Variants in CCSER1 observed in about 807,000 individuals in gnomAD.
CCSER1 encodes coiled-coil serine rich protein 1.
Under a neutral mutation model 82.0 loss-of-function variants are expected in CCSER1, and 41 were observed. The observed-to-expected ratio is 0.50, with a 90% CI of 0.39 to 0.65. CCSER1 has a LOEUF of 0.65. Ranked by LOEUF, CCSER1 falls within the 30% of genes least tolerant of loss-of-function variation. CCSER1 has a pLI of 0.00. For synonymous variants in CCSER1, 414 were observed against 383.9 expected, an observed-to-expected ratio of 1.08 and a Z score of -0.92; for missense variants, 1,119 against 1,064.2, an observed-to-expected ratio of 1.05 and a Z score of -0.72.
In CCSER1 at chr4:90,932,957, A is replaced by AG. The variant is rs1561384528; in HGVS notation, c.2172+9511dup. ...AAGAAAGAAAGAAAGAAAGAAAGAAAGAAAGAAAGAAAGAAAGAAAGAAAG... is the reference window on the plus strand; with the variant it reads ...AAGAAAGAAAGAAAGAAAGAAAGAAAGGAAAGAAAGAAAGAAAGAAAGAAAG... On this transcript the variant is annotated intron_variant, in intron 9 of 10. Transcript: ENST00000509176. Among the ~76,000 whole-genome samples, 81 of 40,828 alleles carry AG rather than the reference A, an allele frequency of 2.0e-3. 25 individuals are homozygous for AG. The highest frequency in any genetic ancestry group is 0.018 in the African/African-American group (80 of 4,558). 26.8% of individuals were successfully genotyped at this position (40,828 alleles called of 152,430 possible).
At chr4:91,401,351 T>C (rs1752308911) in intron 10 of CCSER1, among the ~76,000 whole-genome samples, 1 of 148,296 alleles carries the variant, frequency 6.7e-6, no homozygotes, top group East Asian at 1.9e-4. Context: ...ATATACTACA[T>C]TGATATACTA....
In CCSER1 at chr4:90,912,333, A is replaced by G. The variant is rs548428500; in HGVS notation, c.2095-11037A>G. On this transcript the variant is annotated intron_variant, in intron 8 of 10. Transcript: ENST00000509176. ...AGGCAGCAACATTTGCTGTTCACCAATATTCGCTATTCTGCAGCCTCCACT... is the reference window on the plus strand; with the variant it reads ...AGGCAGCAACATTTGCTGTTCACCAGTATTCGCTATTCTGCAGCCTCCACT... Among the ~76,000 whole-genome samples the G allele has an allele frequency of 3.3e-4, 50 of 152,308 alleles. No individual in the cohort carries two copies. In the South Asian group the frequency reaches 9.9e-3, roughly 30 times the overall value.
At chr4:90,525,465 G>T (rs1206601161) in intron 5 of CCSER1, among the ~76,000 whole-genome samples, 5 of 151,758 alleles carry the variant, frequency 3.3e-5, no homozygotes, top group Admixed American at 6.6e-5. Context: ...AATGCTTCAG[G>T]CTCATTATAA....
At chr4:90,157,350 T>C (rs1422999493) in intron 1 of CCSER1, among the ~76,000 whole-genome samples, 3 of 152,192 alleles carry the variant, frequency 2.0e-5, no homozygotes, top group Admixed American at 6.5e-5. Flanking sequence ...CAATTATGTG[T>C]CTTGGAGTTG....
intron 10 of CCSER1, among the ~76,000 whole-genome samples, chr4:91,575,772 T>G (rs1763422524): frequency 6.6e-6 from 1 of 151,826 alleles, no homozygotes; most frequent in African/African-American, 2.4e-5. Flanking sequence ...TCACTAATAA[T>G]CAGGGAATTG....
intron 8 of CCSER1, among the ~76,000 whole-genome samples, chr4:90,862,984 A>C (rs1765283313): frequency 6.7e-6 from 1 of 148,356 alleles, no homozygotes; most frequent in South Asian, 2.1e-4. Context: ...ACATGTGCAC[A>C]ATGTGCAGGT....
intron 9 of CCSER1, among the ~76,000 whole-genome samples, chr4:90,928,903 A>G (rs1392403158): frequency 6.6e-6 from 1 of 152,130 alleles, no homozygotes; most frequent in Non-Finnish European, 1.5e-5. Context: ...CAGTACATCA[A>G]GAGACTCACA....
rs138405038 is a variant in CCSER1, at chr4:90,774,453, A to G, written c.2011-41309A>G. Among the ~76,000 whole-genome samples the G allele has an allele frequency of 4.3e-3, 653 of 152,234 alleles. 3 individuals carry two copies. Among genetic ancestry groups the G allele is most frequent in the African/African-American group, 0.015 (604 of 41,556 alleles). ...AGTTAGTTACTAACATTTTCATGATAATATAATGAGTCATAGAAAATTTGC... is the reference window on the plus strand; with the variant it reads ...AGTTAGTTACTAACATTTTCATGATGATATAATGAGTCATAGAAAATTTGC... On this transcript the variant is annotated intron_variant, in intron 7 of 10. Coordinates refer to ENST00000509176, the MANE Select transcript of CCSER1 (RefSeq NM_001145065.2).
chr4:91,408,109 C>A (rs1387274994), intron 10 of CCSER1, among the ~76,000 whole-genome samples: 5 of 151,770 alleles, frequency 3.3e-5, no homozygotes, highest in African/African-American at 1.2e-4. Context: ...GTCTAGAGTA[C>A]AACAGCCTCA....
At chr4:90,292,670 T>C (rs747600292) in intron 1 of CCSER1, among the ~76,000 whole-genome samples, 2 of 151,926 alleles carry the variant, frequency 1.3e-5, no homozygotes. Context: ...TAACAGCACT[T>C]ACTTAAAAAA....
chr4:91,064,593 A>G (rs1360521944), intron 9 of CCSER1, among the ~76,000 whole-genome samples: 1 of 152,226 alleles, frequency 6.6e-6, no homozygotes, highest in Admixed American at 6.5e-5. Flanking sequence ...CTCTCTGCCT[A>G]TGTGATCAGC....
At chr4:91,002,008 A>G (rs995051110) in intron 9 of CCSER1, among the ~76,000 whole-genome samples, 2 of 152,060 alleles carry the variant, frequency 1.3e-5, no homozygotes, top group African/African-American at 4.8e-5. Context: ...TTTTTCATTT[A>G]TGAAGCTTAG....
chr4:90,821,911 G>A (rs1759774172), intron 8 of CCSER1, among the ~76,000 whole-genome samples: 1 of 152,106 alleles, frequency 6.6e-6, no homozygotes, highest in Admixed American at 6.5e-5. Flanking sequence ...AATGTTGATG[G>A]TGAAGTGTAG....
chr4:90,800,788 G>A (rs981056140), intron 7 of CCSER1, among the ~76,000 whole-genome samples: 70 of 152,030 alleles, frequency 4.6e-4, no homozygotes, highest in Admixed American at 4.0e-3. Context: ...CTATGACCCT[G>A]GGAAATTTGG....
chr4:90,230,262 A>C (rs1744188076), intron 1 of CCSER1, among the ~76,000 whole-genome samples: 1 of 152,202 alleles, frequency 6.6e-6, no homozygotes, highest in Non-Finnish European at 1.5e-5. Flanking sequence ...AGAAATTATA[A>C]CAAACTGTCT....
intron 6 of CCSER1, among the ~76,000 whole-genome samples, chr4:90,714,762 A>T (rs1406678667): frequency 1.3e-5 from 2 of 152,054 alleles, no homozygotes; most frequent in African/African-American, 4.8e-5. Context: ...TAAAACCAAT[A>T]AGCTTAGTTA....
chr4:90,627,571 A>G (rs1560838521), intron 5 of CCSER1, among the ~76,000 whole-genome samples: 1 of 152,062 alleles, frequency 6.6e-6, no homozygotes, highest in East Asian at 1.9e-4. Flanking sequence ...AATGGAAACA[A>G]TTTTTTTAAT....
intron 10 of CCSER1, among the ~76,000 whole-genome samples, chr4:91,224,886 CA>C (rs1273576677): frequency 6.6e-6 from 1 of 151,402 alleles, no homozygotes; most frequent in East Asian, 1.9e-4. Context: ...GATGTTGACT[CA>C]CAGGGATTAA....
chr4:91,508,959 A>T (rs1393454632), intron 10 of CCSER1, among the ~76,000 whole-genome samples: 1 of 151,794 alleles, frequency 6.6e-6, no homozygotes, highest in African/African-American at 2.4e-5. Flanking sequence ...TTTTTCACTT[A>T]TGATTTTAGT....
Sources: gnomAD v4.1 joint callset for allele counts (sites outside exome capture counted in the v4.1 genomes callset) on GRCh38, gnomAD v4.1.1 for gene constraint, MANE v1.5 for transcripts, NCBI Gene and HGNC (gene_info 2026-07-23, HGNC 2026-07-21) for gene names.